PABPN1: variants seen among roughly 807,000 people sequenced by gnomAD.
PABPN1 encodes the protein polyadenylate-binding protein 2.
PABPN1 carries 5 observed loss-of-function variants against 33.4 expected under a neutral mutation model. That is an observed-to-expected ratio of 0.15 (90% confidence interval 0.08 to 0.32). The LOEUF (loss-of-function observed/expected upper bound fraction) is 0.32, where lower values mean the gene tolerates loss of function less well. Ranked by LOEUF, PABPN1 falls within the 10% of genes least tolerant of loss-of-function variation. PABPN1 has a pLI of 1.00. For missense variants in PABPN1, 312 were observed against 425.8 expected, an observed-to-expected ratio of 0.73 and a Z score of 2.35; for synonymous variants, 176 against 170.6, an observed-to-expected ratio of 1.03 and a Z score of -0.25.
Position 23,322,913 on chromosome 14 carries a change from G to A in PABPN1, c.467-86G>A, listed in dbSNP as rs1332351400. ...ATCTTTGCCTTCACTGAGCTTATGG[G>A]ATAGTGCTGGTGGTGGAAGTGCAAC... is the stretch of plus-strand genomic sequence containing the variant. On this transcript the variant is annotated intron_variant, in intron 2 of 6. Coordinates refer to ENST00000216727, the MANE Select transcript of PABPN1 (RefSeq NM_004643.4). 5.1e-6 allele frequency: 8 copies of A among 1,582,702 alleles called. No individual in the cohort carries two copies. The South Asian group carries it at 7.8e-5, about 15-fold the overall frequency.
chr14:23,324,143 C>T lies in PABPN1; in HGVS notation c.735C>T (p.Ile245=). 1 of 1,614,174 alleles carries T rather than the reference C, an allele frequency of 6.2e-7. No homozygotes were observed. Among genetic ancestry groups the T allele is most frequent in the Non-Finnish European group, 8.5e-7 (1 of 1,180,032 alleles). The change falls in exon 6 of 7, where the codon ATC becomes ATT. Residue 245 remains isoleucine (I), a synonymous_variant. Transcript: ENST00000216727. ...SLFRGRQIKV[I]PKRTNRPGIS... ...TTTGTTCATCTCTGACTCAGGTGATCCCAAAACGAACCAACAGACCAGGCA... is the reference window on the plus strand; with the variant it reads ...TTTGTTCATCTCTGACTCAGGTGATTCCAAAACGAACCAACAGACCAGGCA...
In PABPN1 at chr14:23,321,497, G is replaced by A; in HGVS notation, c.28G>A (p.Ala10Thr). The A allele has an allele frequency of 8.2e-7, 1 of 1,217,104 alleles. No individual in the cohort carries two copies. The highest frequency in any genetic ancestry group is 1.0e-6 in the Non-Finnish European group (1 of 977,746). The allele number at this position is 1,217,104 out of a possible 1,614,324, so 75.4% of individuals were successfully genotyped here. Residue 10 changes from alanine (A) to threonine (T), a missense_variant, in exon 1 of 7, where the codon GCA becomes ACA. Ala to Thr is a moderately conservative substitution (Grantham distance 58, BLOSUM62 0). This residue lies in a region of PABPN1 where 167 missense variants were observed against 168.9 expected (regional missense o/e 0.99). Coordinates refer to ENST00000216727, the MANE Select transcript of PABPN1 (RefSeq NM_004643.4). ...GGCGGCGGCGGCGGCGGCGGCAGCA[G>A]CAGCGGGGGCTGCGGGCGGTCGGGG... MAAAAAAAA[A>T]AGAAGGRGSG...
At position 23,323,504 on chromosome 14, in the gene PABPN1, T is replaced by C. The variant is rs1393331654; in HGVS notation, c.641+21T>C. The stretch of plus-strand genomic sequence containing the variant: ...AAAGGGTAAGTAAAGGGGAGTAAGT[T>C]GAGATAATTTAAATTACAGTGTACA... On this transcript the variant is annotated intron_variant, in intron 4 of 6. Coordinates refer to ENST00000216727, the MANE Select transcript of PABPN1 (RefSeq NM_004643.4). 4 of 1,597,390 alleles carry C rather than the reference T, an allele frequency of 2.5e-6. No homozygotes were observed. The South Asian group carries it at 4.4e-5, about 18-fold the overall frequency.
chr14:23,324,949 G>A lies in PABPN1; in HGVS notation c.882-298G>A. On this transcript the variant is annotated intron_variant, in intron 6 of 6. Coordinates refer to ENST00000216727, the MANE Select transcript of PABPN1 (RefSeq NM_004643.4). ...CTATTTGTGATGGCCTAGGGTTTAA[G>A]AGCTGTGGAGGACTGAAAACTGGAT... is the stretch of plus-strand genomic sequence containing the variant. 4 of 379,748 alleles carry A rather than the reference G, an allele frequency of 1.1e-5. No individual in the cohort carries two copies. The South Asian group carries it at 1.9e-4, about 18-fold the overall frequency. 23.5% of individuals were successfully genotyped at this position (379,748 alleles called of 1,614,324 possible). A position where few individuals can be genotyped will look rare whatever the true frequency, so the allele number is the denominator to read the frequency against.
At position 23,321,564 on chromosome 14, in the gene PABPN1, G is replaced by C. The variant is rs1439364113; in HGVS notation, c.95G>C (p.Gly32Ala). ...GRRRHLVPGA[G>A]GEAGEGAPGG... is the part of the protein sequence containing the mutation. ...CGGCGCCATCTTGTGCCCGGGGCCG[G>C]TGGGGAGGCCGGGGAGGGGGCCCCG... The change falls in exon 1 of 7, where the codon GGT (glycine) becomes GCT (alanine). Residue 32 changes from glycine (G) to alanine (A), a missense_variant. Physicochemically the swap from Gly to Ala is moderately conservative, Grantham distance 60. Around this residue, in one of 3 missense-constraint regions of PABPN1, gnomAD observed 167 missense variants for 168.9 expected, o/e 0.99. Transcript: ENST00000216727. 2 of 1,423,776 alleles carry C rather than the reference G, an allele frequency of 1.4e-6. No individual in the cohort carries two copies. Among genetic ancestry groups the C allele is most frequent in the African/African-American group, 2.9e-5 (2 of 67,804 alleles). 88.2% of individuals were successfully genotyped at this position (1,423,776 alleles called of 1,614,324 possible).
chr14:23,322,059 C>T (rs1566467810), intron 1 of PABPN1, 122 bp from the exon 2 acceptor site: 18 of 1,070,448 alleles, frequency 1.7e-5, no homozygotes, highest in East Asian at 2.6e-5. Context: ...TTATCACGAC[C>T]CTCGCATGGG....
chr14:23,321,699 C>A lies in PABPN1; in HGVS notation c.230C>A (p.Pro77His), dbSNP rs746197440. ...EPEPEEEPPR[P>H]RAPPGAPGPG... ...GAGCCCGAAGAGGAGCCGCCCCGGCCCCGCGCCCCCCCGGGAGCTCCGGGC... is the reference window on the plus strand; with the variant it reads ...GAGCCCGAAGAGGAGCCGCCCCGGCACCGCGCCCCCCCGGGAGCTCCGGGC... The change falls in exon 1 of 7, where the codon CCC becomes CAC. Residue 77 changes from proline (P) to histidine (H), a missense_variant. By Grantham distance (77) the Pro-to-His change is moderately conservative. Transcript: ENST00000216727. 6.5e-7 allele frequency: 1 copy of A among 1,535,638 alleles called. No individual in the cohort carries two copies. The highest frequency in any genetic ancestry group is 2.5e-5 in the East Asian group (1 of 40,376).
chr14:23,321,774 C>T lies in PABPN1; in HGVS notation c.305C>T (p.Pro102Leu). The T allele has an allele frequency of 6.5e-7, 1 of 1,530,476 alleles. No homozygotes were observed. The highest frequency in any genetic ancestry group is 8.8e-7 in the Non-Finnish European group (1 of 1,138,766). The allele number at this position is 1,530,476 out of a possible 1,614,324, so 94.8% of individuals were successfully genotyped here. A position where few individuals can be genotyped will look rare whatever the true frequency, so the allele number is the denominator to read the frequency against. ...GGCAGCCAAGAGGAGGAGGAGGAGC[C>T]GGGACTGGTCGAGGGTGACCCGGGG... ...APGSQEEEEEPGLVEGDPGDG... is the reference protein window; with the variant it reads ...APGSQEEEEELGLVEGDPGDG... The change falls in exon 1 of 7, where the codon CCG (proline) becomes CTG (leucine). Residue 102 changes from proline to leucine, a missense_variant. By Grantham distance (98) the Pro-to-Leu change is moderately conservative (BLOSUM62 -3). Transcript: ENST00000216727.
chr14:23,324,850 A>C, intron 6 of PABPN1: 1 of 240,932 alleles, frequency 4.2e-6, no homozygotes, highest in East Asian at 9.3e-5. Flanking sequence ...TCTACATTTA[A>C]ATAGACGGGT....
chr14:23,324,120 T>G lies in PABPN1; in HGVS notation c.730-18T>G. On this transcript the variant is annotated intron_variant, in intron 5 of 6. Transcript: ENST00000216727. The stretch of plus-strand genomic sequence containing the variant: ...CCAGGTTGCCTTTAAGGCTATCATT[T>G]GTTCATCTCTGACTCAGGTGATCCC... 1 of 1,614,220 alleles carries G rather than the reference T, an allele frequency of 6.2e-7. No individual in the cohort carries two copies. The highest frequency in any genetic ancestry group is 8.5e-7 in the Non-Finnish European group (1 of 1,180,024).
In PABPN1 at chr14:23,321,518, C is replaced by T. The variant is rs1176636805; in HGVS notation, c.49C>T (p.Arg17Trp). 2.4e-6 allele frequency: 3 copies of T among 1,243,806 alleles called. No individual in the cohort carries two copies. The highest frequency in any genetic ancestry group is 3.0e-6 in the Non-Finnish European group (3 of 992,230). 77.0% of individuals were successfully genotyped at this position (1,243,806 alleles called of 1,614,324 possible). A position where few individuals can be genotyped will look rare whatever the true frequency, so the allele number is the denominator to read the frequency against. Reference sequence around the variant, plus strand: ...AGCAGCAGCGGGGGCTGCGGGCGGTCGGGGCTCCGGGCCGGGGCGGCGGCG... The same window carrying T: ...AGCAGCAGCGGGGGCTGCGGGCGGTTGGGGCTCCGGGCCGGGGCGGCGGCG... ...AAAAAGAAGG[R>W]GSGPGRRRHL... Residue 17 changes from arginine (R) to tryptophan (W), a missense_variant, in exon 1 of 7, where the codon CGG (arginine) becomes TGG (tryptophan). Transcript: ENST00000216727.
At chr14:23,322,505 T>G in intron 2 of PABPN1, 1 of 600,946 alleles carries the variant, frequency 1.7e-6, no homozygotes, top group African/African-American at 1.8e-5. Flanking sequence ...TGCCTCCCTT[T>G]GTGCCTGTTA....
chr14:23,322,438 T>G (rs1888382156), intron 2 of PABPN1, 143 bp downstream of exon 2: 1 of 761,096 alleles, frequency 1.3e-6, no homozygotes, highest in Admixed American at 2.0e-5. Context: ...CATAGTCCGT[T>G]GTGTGTTCCT....
At position 23,324,129 on chromosome 14, in the gene PABPN1, C is replaced by G; in HGVS notation, c.730-9C>G. ...CTTTAAGGCTATCATTTGTTCATCTCTGACTCAGGTGATCCCAAAACGAAC... is the reference window on the plus strand; with the variant it reads ...CTTTAAGGCTATCATTTGTTCATCTGTGACTCAGGTGATCCCAAAACGAAC... On this transcript the variant is annotated splice_polypyrimidine_tract_variant and intron_variant, in intron 5 of 6. Coordinates refer to ENST00000216727, the MANE Select transcript of PABPN1 (RefSeq NM_004643.4). 1 of 1,614,206 alleles carries G rather than the reference C, an allele frequency of 6.2e-7. No individual in the cohort carries two copies. The highest frequency in any genetic ancestry group is 8.5e-7 in the Non-Finnish European group (1 of 1,180,024).
rs1339081017 is a variant in PABPN1, at chr14:23,325,581, C to A, written c.*295C>A. On this transcript the variant is annotated 3_prime_UTR_variant, in exon 7 of 7. Coordinates refer to ENST00000216727, the MANE Select transcript of PABPN1 (RefSeq NM_004643.4). ...AGCTGCTGCCCATGTTTCCCTGCCC[C>A]ACTTCACCCCCTTGGGGGCTGCTCA... 9 of 401,012 alleles carry A rather than the reference C, an allele frequency of 2.2e-5. No individual in the cohort carries two copies. Among genetic ancestry groups the A allele is most frequent in the Non-Finnish European group, 4.0e-5 (9 of 222,688 alleles). 24.8% of individuals were successfully genotyped at this position (401,012 alleles called of 1,614,324 possible). A position where few individuals can be genotyped will look rare whatever the true frequency, so the allele number is the denominator to read the frequency against.
At position 23,322,996 on chromosome 14, in the gene PABPN1, T is replaced by G; in HGVS notation, c.467-3T>G. The G allele has an allele frequency of 6.2e-7, 1 of 1,614,198 alleles. No homozygotes were observed. The highest frequency in any genetic ancestry group is 8.5e-7 in the Non-Finnish European group (1 of 1,180,038). ...TTTGTAAAAAATTATTTTTTCCTGATAGCTGGCCCGGTGATCATGTCCATT... is the reference window on the plus strand; with the variant it reads ...TTTGTAAAAAATTATTTTTTCCTGAGAGCTGGCCCGGTGATCATGTCCATT... On this transcript the variant is annotated splice_region_variant and splice_polypyrimidine_tract_variant and intron_variant, in intron 2 of 6. Transcript: ENST00000216727.
intron 4 of PABPN1, among the ~76,000 whole-genome samples, chr14:23,323,708 A>C (rs1192113645): frequency 1.3e-5 from 2 of 152,150 alleles, no homozygotes; most frequent in African/African-American, 4.8e-5. Context: ...CTAGAAGGGG[A>C]GGGGCAGCTT....
At chr14:23,324,464 C>G (rs1888587193) in intron 6 of PABPN1, 175 bp downstream of exon 6, 2 of 800,458 alleles carry the variant, frequency 2.5e-6, no homozygotes, top group Non-Finnish European at 4.1e-6. Flanking sequence ...GAAGGCCAGC[C>G]TCATCATCTT....
intron 6 of PABPN1, 148 bp downstream of exon 6, chr14:23,324,437 AGT>A: frequency 8.9e-7 from 1 of 1,128,128 alleles, no homozygotes; most frequent in East Asian, 2.4e-5. Flanking sequence ...TGAGGAAGGT[AGT>A]TGCAGGCCAG....
Sources: gnomAD v4.1 joint callset for allele counts (sites outside exome capture counted in the v4.1 genomes callset) on GRCh38, gnomAD v4.1.1 for gene constraint, gnomAD v4.1.1 regional missense constraint, MANE v1.5 for transcripts, NCBI Gene and HGNC (gene_info 2026-07-23, HGNC 2026-07-21) for gene names.